Variants in CYB5R3 observed in about 807,000 individuals in gnomAD.
CYB5R3 encodes cytochrome b5 reductase 3, also known as NADH-cytochrome b5 reductase 3.
In CYB5R3, 28 loss-of-function variants were observed where a neutral mutation model predicts 36.5. The observed-to-expected ratio is 0.77, with a 90% CI of 0.57 to 1.05. The LOEUF (loss-of-function observed/expected upper bound fraction) is 1.05, where lower values mean the gene tolerates loss of function less well. CYB5R3 is among the 50% of genes least tolerant of loss of function. The pLI is 0.00. For synonymous variants in CYB5R3, 181 were observed against 159.8 expected, an observed-to-expected ratio of 1.13 and a Z score of -1.00; for missense variants, 474 against 408.9, an observed-to-expected ratio of 1.16 and a Z score of -1.37.
intron 2 of CYB5R3, among the ~76,000 whole-genome samples, chr22:42,633,833 T>C (rs1928741053): frequency 6.6e-6 from 1 of 152,064 alleles, no homozygotes; most frequent in Non-Finnish European, 1.5e-5. Context: ...TAGTGGTGCA[T>C]GCACATGGTC....
At position 42,631,364 on chromosome 22, in the gene CYB5R3, G is replaced by T; in HGVS notation, c.226+14C>A. The stretch of plus-strand genomic sequence containing the variant: ...TGCCGGGCTCCGAATGGGCCCAGCA[G>T]GGGCGTGACTCACCGACAGGGAGGC... On this transcript the variant is annotated intron_variant, in intron 3 of 8. Coordinates refer to ENST00000352397, the MANE Select transcript of CYB5R3 (RefSeq NM_000398.7). The T allele has an allele frequency of 6.4e-7, 1 of 1,551,272 alleles. No individual in the cohort carries two copies. Among genetic ancestry groups the T allele is most frequent in the South Asian group, 1.2e-5 (1 of 84,050 alleles).
intron 2 of CYB5R3, 157 bp from the exon 3 acceptor site, chr22:42,631,607 A>C (rs1397749781): frequency 9.9e-6 from 7 of 707,624 alleles, no homozygotes; most frequent in Non-Finnish European, 1.8e-5. Context: ...CGCCAAGCAC[A>C]GATGCACACA....
Position 42,628,145 on chromosome 22 carries a change from G to T in CYB5R3, c.463+7C>A. The T allele has an allele frequency of 6.2e-7, 1 of 1,613,878 alleles. No individual in the cohort carries two copies. Among genetic ancestry groups the T allele is most frequent in the South Asian group, 1.1e-5 (1 of 91,026 alleles). On this transcript the variant is annotated splice_region_variant and intron_variant, in intron 5 of 8. Transcript: ENST00000352397. ...CCGTGTAACCAAGGGATTCCGACCC[G>T]AATCACCTTTGCCCTGGTAGACCAG...
chr22:42,622,710 G>A (rs1330227560), intron 8 of CYB5R3, among the ~76,000 whole-genome samples: 1 of 152,204 alleles, frequency 6.6e-6, no homozygotes, highest in Admixed American at 6.5e-5. Context: ...GGGTGGTGTG[G>A]ACAGAGCTCC....
chr22:42,635,070 C>T (rs1348620343), intron 2 of CYB5R3, among the ~76,000 whole-genome samples: 6 of 151,544 alleles, frequency 4.0e-5, no homozygotes, highest in African/African-American at 4.9e-5. Flanking sequence ...CCCAGGTTCA[C>T]GTCATTCTCC....
Position 42,644,553 on chromosome 22 carries a change from C to T in CYB5R3, c.21+4742G>A, listed in dbSNP as rs541616818. The T allele has an allele frequency of 1.2e-4, 189 of 1,515,326 alleles. 1 individual carries two copies. The African/African-American group carries it at 2.4e-3, about 19-fold the overall frequency. 93.9% of individuals were successfully genotyped at this position (1,515,326 alleles called of 1,614,324 possible). Reference sequence around the variant, plus strand: ...AACATCAAATCTTCCCTGATGAGCCCTTCCCTAGCTAACCAGGCCCTTGGT... The same window carrying T: ...AACATCAAATCTTCCCTGATGAGCCTTTCCCTAGCTAACCAGGCCCTTGGT... On this transcript the variant is annotated intron_variant, in intron 1 of 8. Transcript: ENST00000352397.
intron 1 of CYB5R3, among the ~76,000 whole-genome samples, chr22:42,643,196 G>A (rs1160656450): frequency 6.6e-6 from 1 of 152,158 alleles, no homozygotes; most frequent in African/African-American, 2.4e-5. Flanking sequence ...TGAGGAGGAC[G>A]CTCTGGTGGA....
At position 42,619,876 on chromosome 22, in the gene CYB5R3, T is replaced by G. The variant is rs1474956002; in HGVS notation, c.803A>C (p.Glu268Ala). The stretch of plus-strand genomic sequence containing the variant: ...GGGGCCACACATCAGCACCAGCGGC[T>G]CCTCCTCTGGGGGTGGAAGGTGGTC... ...IRDHLPPPEE[E>A]PLVLMCGPPP... The change falls in exon 9 of 9, where the codon GAG becomes GCG. Residue 268 changes from glutamate to alanine, a missense_variant. Transcript: ENST00000352397. 1.9e-6 allele frequency: 3 copies of G among 1,608,168 alleles called. No individual in the cohort carries two copies. The highest frequency in any genetic ancestry group is 2.2e-5 in the East Asian group (1 of 44,704).
chr22:42,638,112 T>C (rs1928995764), intron 1 of CYB5R3, among the ~76,000 whole-genome samples: 1 of 151,582 alleles, frequency 6.6e-6, no homozygotes, highest in African/African-American at 2.4e-5. Context: ...TAGCTGGTTG[T>C]AGGCCCGGTG....
intron 1 of CYB5R3, among the ~76,000 whole-genome samples, chr22:42,644,893 G>C (rs373972689): frequency 5.3e-5 from 8 of 152,264 alleles, no homozygotes; most frequent in African/African-American, 1.9e-4. Context: ...GGGCTGCGAG[G>C]CACCTTCCCC....
intron 1 of CYB5R3, among the ~76,000 whole-genome samples, chr22:42,643,136 GC>G (rs1929366807): frequency 6.6e-6 from 1 of 152,140 alleles, no homozygotes; most frequent in African/African-American, 2.4e-5. Context: ...TAGCCCCATT[GC>G]CCCTCCCCTT....
intron 1 of CYB5R3, chr22:42,640,126 A>C (rs1929163759): frequency 6.2e-7 from 1 of 1,613,894 alleles, no homozygotes; most frequent in African/African-American, 1.3e-5. Flanking sequence ...CAGGCTCTGA[A>C]TAGCTCTAGG....
intron 1 of CYB5R3, among the ~76,000 whole-genome samples, chr22:42,641,069 C>G (rs1330934890): frequency 1.3e-5 from 2 of 151,928 alleles, no homozygotes; most frequent in East Asian, 3.9e-4. Context: ...GTTGGCCAGG[C>G]TGGTCTTGAA....
chr22:42,631,573 T>G, intron 2 of CYB5R3, 123 bp from the exon 3 acceptor site: 1 of 863,714 alleles, frequency 1.2e-6, no homozygotes, highest in South Asian at 1.4e-5. Flanking sequence ...AGTGCCTGCT[T>G]GTCCTTGTAA....
intron 1 of CYB5R3, chr22:42,647,051 G>A (rs1299768552): frequency 1.2e-6 from 1 of 855,206 alleles, no homozygotes; most frequent in African/African-American, 1.8e-5. Context: ...GGCCTCCCAT[G>A]GGGCCTGCAT....
chr22:42,645,171 C>T (rs537983506), intron 1 of CYB5R3, among the ~76,000 whole-genome samples: 1 of 152,184 alleles, frequency 6.6e-6, no homozygotes, highest in Admixed American at 6.5e-5. Flanking sequence ...AGGCTGCCGG[C>T]TCCCCACAAG....
In CYB5R3 at chr22:42,619,495, C is replaced by T. The variant is rs145166392; in HGVS notation, c.*278G>A. 7.8e-6 allele frequency: 4 copies of T among 509,554 alleles called. No individual in the cohort carries two copies. Among genetic ancestry groups the T allele is most frequent in the East Asian group, 6.8e-5 (2 of 29,376 alleles). 31.6% of individuals were successfully genotyped at this position (509,554 alleles called of 1,614,324 possible). A position where few individuals can be genotyped will look rare whatever the true frequency, so the allele number is the denominator to read the frequency against. ...CCTTATAGTGTGTGTGGGGGGTGGA[C>T]GAGGGGTCATGAGGACAGGGATGGG... On this transcript the variant is annotated 3_prime_UTR_variant, in exon 9 of 9. Coordinates refer to ENST00000352397, the MANE Select transcript of CYB5R3 (RefSeq NM_000398.7).
intron 1 of CYB5R3, among the ~76,000 whole-genome samples, chr22:42,648,662 G>C (rs1440607466): frequency 6.6e-6 from 1 of 152,210 alleles, no homozygotes; most frequent in Non-Finnish European, 1.5e-5. Context: ...AGCTTGCAGG[G>C]TCAGTGGGAG....
At chr22:42,635,469 A>G (rs1051195889) in intron 2 of CYB5R3, among the ~76,000 whole-genome samples, 1 of 148,336 alleles carries the variant, frequency 6.7e-6, no homozygotes, top group African/African-American at 2.5e-5. Flanking sequence ...TGAACTCCTG[A>G]CCTCAGGTGA....
Sources: allele counts gnomAD v4.1 joint callset (sites outside exome capture counted in the v4.1 genomes callset), GRCh38; gene constraint gnomAD v4.1.1; transcripts MANE v1.5; gene names NCBI Gene and HGNC (gene_info 2026-07-23, HGNC 2026-07-21).